The following RBM47 variants were observed in gnomAD, a reference collection of about 807,000 sequenced individuals.
RBM47 encodes RNA-binding protein 47.
Under a neutral mutation model 47.1 loss-of-function variants are expected in RBM47, and 21 were observed. The ratio of observed to expected loss-of-function variants is 0.45; its 90% CI spans 0.32 to 0.64. The LOEUF is 0.64. RBM47 is among the 30% of genes least tolerant of loss of function. The pLI is 0.05. For missense variants in RBM47, 708 were observed against 870.9 expected (o/e 0.81, Z 2.35); for synonymous variants, 375 against 361.7 (o/e 1.04, Z -0.42).
At chr4:40,449,060 G>A (rs948356513) in intron 3 of RBM47, among the ~76,000 whole-genome samples, 4 of 152,154 alleles carry the variant, frequency 2.6e-5, no homozygotes, top group Non-Finnish European at 4.4e-5. Flanking sequence ...GAGAGGACAC[G>A]CCCACTCTCG....
At chr4:40,583,211 T>C (rs763392928) in intron 1 of RBM47, among the ~76,000 whole-genome samples, 1 of 151,868 alleles carries the variant, frequency 6.6e-6, no homozygotes. Context: ...GGCAGATCAC[T>C]TGAGTCCGAG....
Position 40,443,851 on chromosome 4 carries a change from T to C in RBM47, c.-31-4927A>G, listed in dbSNP as rs879867019. 1.0e-3 allele frequency among the ~76,000 whole-genome samples: 155 copies of C among 151,090 alleles called. 1 individual carries two copies. In the Middle Eastern group the frequency reaches 0.01, roughly 10 times the overall value. On this transcript the variant is annotated intron_variant, in intron 3 of 6. Coordinates refer to ENST00000295971, the MANE Select transcript of RBM47 (RefSeq NM_001098634.2). ...TTAATATACCATATTAAATAAATTATATGGTGTGCTACTCTACTCAATGAA... is the reference window on the plus strand; with the variant it reads ...TTAATATACCATATTAAATAAATTACATGGTGTGCTACTCTACTCAATGAA...
intron 1 of RBM47, among the ~76,000 whole-genome samples, chr4:40,599,645 A>G (rs1735062420): frequency 1.3e-5 from 2 of 151,908 alleles, no homozygotes; most frequent in Non-Finnish European, 2.9e-5. Flanking sequence ...GGCCTTATGG[A>G]GAGGCCCTGA....
At chr4:40,451,587 TAC>T (rs1303084308) in intron 3 of RBM47, among the ~76,000 whole-genome samples, 2 of 152,180 alleles carry the variant, frequency 1.3e-5, no homozygotes, top group Non-Finnish European at 2.9e-5. Flanking sequence ...ACTTAAAATT[TAC>T]AGTTTTTTTT....
At chr4:40,541,056 C>T (rs951694570) in intron 2 of RBM47, among the ~76,000 whole-genome samples, 1 of 151,744 alleles carries the variant, frequency 6.6e-6, no homozygotes, top group Non-Finnish European at 1.5e-5. Flanking sequence ...CGGGAGGCTA[C>T]GACAAGCGGA....
intron 1 of RBM47, among the ~76,000 whole-genome samples, chr4:40,559,360 T>C (rs913807424): frequency 5.9e-5 from 9 of 152,208 alleles, no homozygotes; most frequent in African/African-American, 1.9e-4. Context: ...TAGCCCATAA[T>C]GTGGGTGTTA....
chr4:40,488,830 T>C (rs1721478929), intron 2 of RBM47, among the ~76,000 whole-genome samples: 1 of 152,230 alleles, frequency 6.6e-6, no homozygotes, highest in Non-Finnish European at 1.5e-5. Context: ...TTACCACCAG[T>C]TCTGGGTGCT....
intron 1 of RBM47, among the ~76,000 whole-genome samples, chr4:40,586,496 C>A (rs973498312): frequency 3.3e-4 from 50 of 151,270 alleles, no homozygotes; most frequent in African/African-American, 1.2e-3. Context: ...AGGGCTGTTG[C>A]AGGGAAATGG....
chr4:40,450,983 AGAG>A (rs1385538612), intron 3 of RBM47, among the ~76,000 whole-genome samples: 1 of 152,188 alleles, frequency 6.6e-6, no homozygotes, highest in Non-Finnish European at 1.5e-5. Flanking sequence ...CTTTTTAAAT[AGAG>A]AAGAAGTTGT....
At chr4:40,534,374 C>A (rs1560451602) in intron 2 of RBM47, among the ~76,000 whole-genome samples, 1 of 152,124 alleles carries the variant, frequency 6.6e-6, no homozygotes, top group Non-Finnish European at 1.5e-5. Flanking sequence ...CACACTGTGC[C>A]CTTAGCCACC....
At chr4:40,616,877 T>TTC (rs1432169672) in intron 1 of RBM47, among the ~76,000 whole-genome samples, 10 of 143,008 alleles carry the variant, frequency 7.0e-5, no homozygotes, top group Admixed American at 1.4e-4. Context: ...TTCTTTTCTT[T>TTC]TTTTTTTTTT....
At chr4:40,570,920 A>C (rs1731641376) in intron 1 of RBM47, among the ~76,000 whole-genome samples, 1 of 152,044 alleles carries the variant, frequency 6.6e-6, no homozygotes, top group Admixed American at 6.6e-5. Flanking sequence ...TACATACGAA[A>C]ATAAAATACT....
chr4:40,573,776 A>G (rs1339375724), intron 1 of RBM47, among the ~76,000 whole-genome samples: 1 of 147,246 alleles, frequency 6.8e-6, no homozygotes, highest in Non-Finnish European at 1.5e-5. Flanking sequence ...AGAGAAAGAA[A>G]GAAAGAAAGA....
intron 6 of RBM47, among the ~76,000 whole-genome samples, chr4:40,429,797 C>T (rs1715636239): frequency 6.6e-6 from 1 of 150,924 alleles, no homozygotes; most frequent in South Asian, 2.1e-4. Flanking sequence ...CTAACTATAC[C>T]AAGAGGTGTT....
intron 3 of RBM47, among the ~76,000 whole-genome samples, chr4:40,461,444 C>G (rs1717128144): frequency 6.6e-6 from 1 of 152,102 alleles, no homozygotes; most frequent in Non-Finnish European, 1.5e-5. Flanking sequence ...TCTGTCTTAT[C>G]CCATCCTACA....
chr4:40,440,300 G>C (rs1258599202), intron 3 of RBM47, among the ~76,000 whole-genome samples: 1 of 152,174 alleles, frequency 6.6e-6, no homozygotes, highest in Non-Finnish European at 1.5e-5. Flanking sequence ...GAGGAGGTGG[G>C]AGGGGGAAGC....
chr4:40,614,710 A>C (rs1351534412), intron 1 of RBM47, among the ~76,000 whole-genome samples: 1 of 152,100 alleles, frequency 6.6e-6, no homozygotes, highest in Non-Finnish European at 1.5e-5. Context: ...ATACACTTGC[A>C]GTCCCAGCTA....
intron 3 of RBM47, among the ~76,000 whole-genome samples, chr4:40,441,133 G>C (rs1044177972): frequency 6.6e-6 from 1 of 151,214 alleles, no homozygotes; most frequent in African/African-American, 2.4e-5. Flanking sequence ...TTTAAAAATA[G>C]AGATGGAGGG....
At chr4:40,429,010 A>G (rs940205172) in intron 6 of RBM47, among the ~76,000 whole-genome samples, 3 of 152,214 alleles carry the variant, frequency 2.0e-5, no homozygotes, top group South Asian at 2.1e-4. Flanking sequence ...TGAATAACTC[A>G]TAAGTTTTAA....
Sources: gnomAD v4.1 joint callset for allele counts (sites outside exome capture counted in the v4.1 genomes callset) on GRCh38, gnomAD v4.1.1 for gene constraint, MANE v1.5 for transcripts, NCBI Gene and HGNC (gene_info 2026-07-23, HGNC 2026-07-21) for gene names.